The following TAFA1 variants were observed in gnomAD, a reference collection of about 807,000 sequenced individuals.
TAFA1 encodes chemokine-like protein TAFA-1.
TAFA1 carries 4 observed loss-of-function variants against 18.5 expected under a neutral mutation model. The observed-to-expected ratio is 0.22, with a 90% CI of 0.11 to 0.49. TAFA1 has a LOEUF of 0.49. TAFA1 is among the 20% of genes least tolerant of loss of function. The pLI is 0.98. For missense variants in TAFA1, 147 were observed against 169.0 expected, an observed-to-expected ratio of 0.87 and a Z score of 0.72; for synonymous variants, 56 against 55.2, an observed-to-expected ratio of 1.01 and a Z score of -0.06.
Position 68,030,182 on chromosome 3 carries a change from A to G in TAFA1, c.118+23438A>G, listed in dbSNP as rs571603920. 5.3e-5 allele frequency among the ~76,000 whole-genome samples: 8 copies of G among 152,334 alleles called. No individual in the cohort carries two copies. The South Asian group carries it at 1.7e-3, about 32-fold the overall frequency. On this transcript the variant is annotated intron_variant, in intron 2 of 4. Transcript: ENST00000478136. ...ACATTATTAATAATGGCAAACAGTA[A>G]TATCACAACAGTAAAACACATTATA...
chr3:68,186,455 A>G (rs76989972), intron 2 of TAFA1, among the ~76,000 whole-genome samples: 95 of 152,218 alleles, frequency 6.2e-4, no homozygotes, highest in Admixed American at 3.0e-3. Flanking sequence ...GTAATAATAG[A>G]TCATTGAATG....
At chr3:68,524,070 T>C (rs903139664) in intron 3 of TAFA1, among the ~76,000 whole-genome samples, 8 of 152,160 alleles carry the variant, frequency 5.3e-5, no homozygotes, top group South Asian at 2.1e-4. Flanking sequence ...AGAACAAAAA[T>C]GTACCATTTC....
At chr3:68,380,761 C>T (rs1051340259) in intron 2 of TAFA1, among the ~76,000 whole-genome samples, 2 of 151,886 alleles carry the variant, frequency 1.3e-5, no homozygotes, top group African/African-American at 4.8e-5. Flanking sequence ...TGTGCAGAAG[C>T]TCTTTAGTTT....
At chr3:68,005,225 G>A (rs1176392012) in intron 1 of TAFA1, among the ~76,000 whole-genome samples, 1 of 152,150 alleles carries the variant, frequency 6.6e-6, no homozygotes, top group Non-Finnish European at 1.5e-5. Context: ...ATGCATGTAT[G>A]TTATCCCAAT....
At chr3:68,188,720 C>T (rs1309556479) in intron 2 of TAFA1, among the ~76,000 whole-genome samples, 1 of 151,732 alleles carries the variant, frequency 6.6e-6, no homozygotes, top group Non-Finnish European at 1.5e-5. Flanking sequence ...TTTTTAAACT[C>T]TGAATTCCAT....
intron 2 of TAFA1, among the ~76,000 whole-genome samples, chr3:68,092,460 G>A (rs2106799508): frequency 6.6e-6 from 1 of 152,284 alleles, no homozygotes; most frequent in East Asian, 1.9e-4. Context: ...TTGGGTGAAG[G>A]ACGACTTCTT....
intron 2 of TAFA1, among the ~76,000 whole-genome samples, chr3:68,296,629 G>T (rs1309209094): frequency 6.6e-6 from 1 of 151,742 alleles, no homozygotes; most frequent in Non-Finnish European, 1.5e-5. Flanking sequence ...TGGCTTTTAG[G>T]TCTCTCTTGA....
intron 2 of TAFA1, among the ~76,000 whole-genome samples, chr3:68,379,159 C>A (rs2069878551): frequency 6.6e-6 from 1 of 152,144 alleles, no homozygotes; most frequent in Non-Finnish European, 1.5e-5. Flanking sequence ...TCTTCACAAC[C>A]ATGCTAGCAT....
intron 2 of TAFA1, among the ~76,000 whole-genome samples, chr3:68,342,506 C>T (rs916828502): frequency 3.3e-5 from 5 of 152,186 alleles, no homozygotes; most frequent in African/African-American, 9.7e-5. Flanking sequence ...ACAAATCCTG[C>T]AGAAAATAAG....
At chr3:68,050,296 A>G (rs910614418) in intron 2 of TAFA1, among the ~76,000 whole-genome samples, 3 of 152,142 alleles carry the variant, frequency 2.0e-5, no homozygotes, top group African/African-American at 4.8e-5. Flanking sequence ...CCCCTGAGCA[A>G]TGTATCACCC....
At chr3:68,530,980 A>G (rs915218422) in intron 3 of TAFA1, among the ~76,000 whole-genome samples, 3 of 151,976 alleles carry the variant, frequency 2.0e-5, no homozygotes, top group Admixed American at 1.3e-4. Context: ...ACAAAACTAG[A>G]AGGCACTGAA....
intron 3 of TAFA1, among the ~76,000 whole-genome samples, chr3:68,530,527 G>A (rs1457322186): frequency 6.6e-6 from 1 of 152,152 alleles, no homozygotes; most frequent in East Asian, 1.9e-4. Context: ...AATTCACAGA[G>A]CAAGTCCTAG....
intron 3 of TAFA1, among the ~76,000 whole-genome samples, chr3:68,418,660 C>T (rs1219710668): frequency 1.3e-5 from 2 of 152,122 alleles, no homozygotes; most frequent in Non-Finnish European, 2.9e-5. Context: ...TATAACAATA[C>T]CTAACATTCA....
chr3:68,150,298 A>G (rs1304420646), intron 2 of TAFA1, among the ~76,000 whole-genome samples: 1 of 152,122 alleles, frequency 6.6e-6, no homozygotes, highest in Non-Finnish European at 1.5e-5. Context: ...TAATCACCAC[A>G]CTCAGAGGTT....
chr3:68,060,793 A>G (rs1401189571), intron 2 of TAFA1, among the ~76,000 whole-genome samples: 1 of 152,166 alleles, frequency 6.6e-6, no homozygotes, highest in Non-Finnish European at 1.5e-5. Context: ...AATTTTATTG[A>G]GCAATATTTC....
chr3:68,349,978 A>G (rs2069236619), intron 2 of TAFA1, among the ~76,000 whole-genome samples: 1 of 152,102 alleles, frequency 6.6e-6, no homozygotes, highest in Non-Finnish European at 1.5e-5. Context: ...CTCCCAACCC[A>G]GTTTACTTCA....
chr3:68,431,949 G>A (rs1454207724), intron 3 of TAFA1, among the ~76,000 whole-genome samples: 6 of 151,934 alleles, frequency 3.9e-5, no homozygotes, highest in African/African-American at 1.4e-4. Flanking sequence ...GAACATGACT[G>A]GGGGCTACAT....
intron 2 of TAFA1, among the ~76,000 whole-genome samples, chr3:68,354,531 G>T (rs1437864116): frequency 1.3e-5 from 2 of 151,894 alleles, no homozygotes; most frequent in African/African-American, 4.8e-5. Flanking sequence ...ACAGTGAAGA[G>T]AATATGAAAC....
chr3:68,081,507 C>T (rs2064899739), intron 2 of TAFA1, among the ~76,000 whole-genome samples: 1 of 151,940 alleles, frequency 6.6e-6, no homozygotes, highest in Non-Finnish European at 1.5e-5. Flanking sequence ...GATGTCCTTT[C>T]TGTTTGTTAG....
Sources: gnomAD v4.1 joint callset for allele counts (sites outside exome capture counted in the v4.1 genomes callset) on GRCh38, gnomAD v4.1.1 for gene constraint, MANE v1.5 for transcripts, NCBI Gene and HGNC (gene_info 2026-07-23, HGNC 2026-07-21) for gene names.